SORCS2: variants seen among roughly 807,000 people sequenced by gnomAD.
SORCS2 encodes the protein sortilin related VPS10 domain containing receptor 2, also known as VPS10 domain-containing receptor SorCS2.
A neutral mutation model predicts 141.6 loss-of-function variants in SORCS2; 100 were observed. The ratio of observed to expected loss-of-function variants is 0.71; its 90% CI spans 0.60 to 0.83. The LOEUF is 0.83. SORCS2 is among the 40% of genes least tolerant of loss of function. The pLI, the probability that SORCS2 is intolerant of heterozygous loss-of-function variation, is 0.00. For synonymous variants in SORCS2, 789 were observed against 676.9 expected, an observed-to-expected ratio of 1.17 and a Z score of -2.57; for missense variants, 1,646 against 1,560.2, an observed-to-expected ratio of 1.05 and a Z score of -0.93.
intron 3 of SORCS2, among the ~76,000 whole-genome samples, chr4:7,628,168 T>C (rs1719635920): frequency 1.3e-5 from 2 of 152,198 alleles, no homozygotes; most frequent in Admixed American, 1.3e-4. Context: ...TTAGAAGGGC[T>C]GAGACATCAG....
chr4:7,411,857 C>T (rs984756155), intron 2 of SORCS2, among the ~76,000 whole-genome samples: 6 of 152,192 alleles, frequency 3.9e-5, no homozygotes, highest in African/African-American at 1.4e-4. Flanking sequence ...GAAGGAGATT[C>T]ACCCCTGGTT....
chr4:7,239,054 G>A (rs73799413), intron 1 of SORCS2, among the ~76,000 whole-genome samples: 3,101 of 152,334 alleles, frequency 0.02, 95 homozygotes, highest in African/African-American at 0.065. Context: ...ACTGGACTCA[G>A]CAGGAGACTC....
intron 3 of SORCS2, among the ~76,000 whole-genome samples, chr4:7,560,750 G>A (rs1306766652): frequency 6.6e-6 from 1 of 152,162 alleles, no homozygotes; most frequent in African/African-American, 2.4e-5. Flanking sequence ...GAGGGGAGGG[G>A]AGCTTTGCCC....
At position 7,664,429 on chromosome 4, in the gene SORCS2, C is replaced by G; in HGVS notation, c.1029C>G (p.Asp343Glu). 6.2e-7 allele frequency: 1 copy of G among 1,613,960 alleles called. No homozygotes were observed. Among genetic ancestry groups the G allele is most frequent in the Non-Finnish European group, 8.5e-7 (1 of 1,179,862 alleles). The change falls in exon 7 of 27, where the codon GAC (aspartate) becomes GAG (glutamate). Residue 343 changes from aspartate to glutamate, a missense_variant. By Grantham distance (45) the Asp-to-Glu change is conservative. Coordinates refer to ENST00000507866, the MANE Select transcript of SORCS2 (RefSeq NM_020777.3). This position sits in a 1 kb window ranked among gnomAD's most constrained non-coding sequence, Gnocchi z 4.7. ...CAGCCCCATTCGCAGGCCCCATTGA[C>G]CACGGGTCTCTGACCGTGCAGGACG... is the stretch of plus-strand genomic sequence containing the variant. The part of the protein sequence containing the change: ...MLTAPFAGPI[D>E]HGSLTVQDDY...
chr4:7,382,091 A>C (rs1327417069), intron 1 of SORCS2: 1 of 558,294 alleles, frequency 1.8e-6, no homozygotes, highest in East Asian at 1.5e-4. Context: ...AGGCCTCCAG[A>C]AGGACCTTGA....
At chr4:7,467,612 G>A (rs1172682154) in intron 2 of SORCS2, among the ~76,000 whole-genome samples, 2 of 152,212 alleles carry the variant, frequency 1.3e-5, no homozygotes, top group African/African-American at 4.8e-5. Flanking sequence ...AGCGGGGCCT[G>A]CACTAAGCTT....
intron 8 of SORCS2, among the ~76,000 whole-genome samples, chr4:7,675,779 T>A (rs867294284): frequency 2.6e-5 from 4 of 151,990 alleles, no homozygotes; most frequent in African/African-American, 9.7e-5. Context: ...GAGGAGGAGG[T>A]GTCCCCAGGC....
chr4:7,328,430 G>A (rs965330619), intron 1 of SORCS2, among the ~76,000 whole-genome samples: 2 of 151,988 alleles, frequency 1.3e-5, no homozygotes, highest in Non-Finnish European at 2.9e-5. Flanking sequence ...GAGAGTAAAC[G>A]GAGGCACCTA....
intron 3 of SORCS2, among the ~76,000 whole-genome samples, chr4:7,574,142 T>C (rs1050995708): frequency 6.6e-6 from 1 of 152,258 alleles, no homozygotes; most frequent in Non-Finnish European, 1.5e-5. Flanking sequence ...TCTCAGTCAG[T>C]TCCCCCCAGA....
At chr4:7,380,411 C>G (rs537720144) in intron 1 of SORCS2, among the ~76,000 whole-genome samples, 2 of 152,230 alleles carry the variant, frequency 1.3e-5, no homozygotes, top group African/African-American at 2.4e-5. Context: ...GCGAGCTCCC[C>G]GTCACCGGAC....
intron 1 of SORCS2, among the ~76,000 whole-genome samples, chr4:7,276,112 G>C (rs3913451): frequency 0.45 from 68,961 of 151,960 alleles, 16,032 homozygotes; most frequent in Admixed American, 0.53. Flanking sequence ...AGCCACTGTT[G>C]CAAGTTTCCT....
intron 2 of SORCS2, among the ~76,000 whole-genome samples, chr4:7,478,074 C>T (rs1230271267): frequency 1.3e-5 from 2 of 152,212 alleles, no homozygotes; most frequent in East Asian, 1.9e-4. Context: ...AAGTTAGACA[C>T]AGGGTGTGGC....
chr4:7,433,378 G>A, intron 2 of SORCS2: 1 of 1,485,714 alleles, frequency 6.7e-7, no homozygotes, highest in South Asian at 1.4e-5. Flanking sequence ...GTGTTGCACA[G>A]CGTTGCACAG....
At chr4:7,510,656 T>C (rs1397836917) in intron 2 of SORCS2, among the ~76,000 whole-genome samples, 11 of 150,608 alleles carry the variant, frequency 7.3e-5, no homozygotes, top group Non-Finnish European at 1.3e-4. Context: ...GGGTGCGGCA[T>C]GTCCTGGAAA....
chr4:7,397,412 CG>C (rs1295840243), intron 2 of SORCS2, among the ~76,000 whole-genome samples: 3 of 152,038 alleles, frequency 2.0e-5, no homozygotes, highest in Admixed American at 2.0e-4. Flanking sequence ...CACAGTCCCC[CG>C]AGTAGTCCTC....
At chr4:7,650,365 C>G (rs572757818) in intron 4 of SORCS2, among the ~76,000 whole-genome samples, 10 of 152,300 alleles carry the variant, frequency 6.6e-5, no homozygotes, top group African/African-American at 2.4e-4. Context: ...CGCGACAGAA[C>G]GTGCTGTGTG....
chr4:7,261,264 T>C (rs551098573), intron 1 of SORCS2, among the ~76,000 whole-genome samples: 12 of 152,334 alleles, frequency 7.9e-5, no homozygotes, highest in African/African-American at 2.6e-4. Context: ...CTGGTGATTC[T>C]CTCGAGAGAA....
At chr4:7,369,119 T>C (rs991579874) in intron 1 of SORCS2, among the ~76,000 whole-genome samples, 3 of 152,098 alleles carry the variant, frequency 2.0e-5, no homozygotes, top group East Asian at 1.9e-4. Context: ...CCAGCCTGGC[T>C]AACATGGTGA....
intron 3 of SORCS2, among the ~76,000 whole-genome samples, chr4:7,580,517 A>G (rs1158615870): frequency 6.6e-6 from 1 of 152,190 alleles, no homozygotes; most frequent in Non-Finnish European, 1.5e-5. Context: ...ATTGTTTTGC[A>G]TAGTGATCTA....
Sources: gnomAD v4.1 joint callset for allele counts (sites outside exome capture counted in the v4.1 genomes callset) on GRCh38, gnomAD v4.1.1 for gene constraint, Gnocchi (gnomAD v3.1) non-coding constraint, MANE v1.5 for transcripts, NCBI Gene and HGNC (gene_info 2026-07-23, HGNC 2026-07-21) for gene names.